THSD7A: variants seen among roughly 807,000 people sequenced by gnomAD.
THSD7A encodes thrombospondin type 1 domain containing 7A, also known as thrombospondin type-1 domain-containing protein 7A.
Under a neutral mutation model 231.3 loss-of-function variants are expected in THSD7A, and 96 were observed. The observed-to-expected ratio is 0.41, with a 90% CI of 0.35 to 0.49. The LOEUF is 0.49. THSD7A is among the 20% of genes least tolerant of loss of function. The pLI, the probability that THSD7A is intolerant of heterozygous loss-of-function variation, is 0.05. For synonymous variants in THSD7A, 940 were observed against 743.3 expected (o/e 1.26, Z -4.30); for missense variants, 2,290 against 2,070.2 (o/e 1.11, Z -2.06).
intron 13 of THSD7A, among the ~76,000 whole-genome samples, chr7:11,432,320 T>A (rs1485051113): frequency 6.6e-6 from 1 of 152,158 alleles, no homozygotes; most frequent in Non-Finnish European, 1.5e-5. Context: ...TCTTTTTATG[T>A]AGTATCTCCT....
rs868532108 is a variant in THSD7A at position 11,805,552 on chromosome 7, C to T, written c.190+26205G>A. Among the ~76,000 whole-genome samples, 3 of 152,078 alleles carry T rather than the reference C, an allele frequency of 2.0e-5. No individual in the cohort carries two copies. The South Asian group carries it at 6.2e-4, about 31-fold the overall frequency. On this transcript the variant is annotated intron_variant, in intron 1 of 27. Coordinates refer to ENST00000423059, the MANE Select transcript of THSD7A (RefSeq NM_015204.3). Reference sequence around the variant, plus strand: ...TCTTCTGTAACATTCTTTCACACTTCTCTAAAGCTTCTTAAAAGAATATAA... The same window carrying T: ...TCTTCTGTAACATTCTTTCACACTTTTCTAAAGCTTCTTAAAAGAATATAA...
chr7:11,769,141 A>ATTT (rs1562541275), intron 1 of THSD7A, among the ~76,000 whole-genome samples: 5 of 34,964 alleles, frequency 1.4e-4, no homozygotes, highest in African/African-American at 4.4e-4. Flanking sequence ...ATATATATAT[A>ATTT]TATATATATA....
chr7:11,394,965 C>T (rs1783124955), intron 23 of THSD7A, among the ~76,000 whole-genome samples: 1 of 152,132 alleles, frequency 6.6e-6, no homozygotes, highest in African/African-American at 2.4e-5. Context: ...TCACATATAA[C>T]AATATTAACC....
At chr7:11,540,100 TC>T in intron 6 of THSD7A, among the ~76,000 whole-genome samples, 1 of 152,328 alleles carries the variant, frequency 6.6e-6, no homozygotes, top group South Asian at 2.1e-4. Flanking sequence ...CTCCTTTTTT[TC>T]CTCTCTTTAT....
chr7:11,384,278 A>C (rs1027332362), intron 23 of THSD7A: 6 of 151,862 alleles, frequency 4.0e-5, no homozygotes, highest in Admixed American at 3.3e-4. Context: ...TATTCTAGAC[A>C]TGAATCCTTT....
intron 1 of THSD7A, among the ~76,000 whole-genome samples, chr7:11,743,949 G>A (rs183131338): frequency 6.6e-6 from 1 of 151,932 alleles, no homozygotes; most frequent in East Asian, 1.9e-4. Flanking sequence ...CACTTACCAC[G>A]TTCTTCCCAA....
At chr7:11,796,201 T>C (rs1049227034) in intron 1 of THSD7A, among the ~76,000 whole-genome samples, 1 of 150,912 alleles carries the variant, frequency 6.6e-6, no homozygotes, top group Non-Finnish European at 1.5e-5. Context: ...TGTATATTGC[T>C]TTAATATATA....
intron 1 of THSD7A, among the ~76,000 whole-genome samples, chr7:11,764,015 C>A (rs1481304978): frequency 6.6e-6 from 1 of 152,132 alleles, no homozygotes; most frequent in African/African-American, 2.4e-5. Context: ...GTTGCATCAT[C>A]CTTTCTCTGT....
intron 4 of THSD7A, among the ~76,000 whole-genome samples, chr7:11,549,772 G>A (rs1458236668): frequency 7.3e-6 from 1 of 136,844 alleles, no homozygotes; most frequent in East Asian, 2.3e-4. Context: ...CCTGTTGGGG[G>A]AGTGTGGTTG....
intron 4 of THSD7A, among the ~76,000 whole-genome samples, chr7:11,545,060 C>G (rs186134064): frequency 1.1e-3 from 168 of 152,172 alleles, no homozygotes; most frequent in Admixed American, 9.7e-3. Context: ...AAACTTGACA[C>G]CAATGATACA....
chr7:11,442,577 T>C (rs1401962904), intron 13 of THSD7A, among the ~76,000 whole-genome samples: 1 of 152,022 alleles, frequency 6.6e-6, no homozygotes, highest in African/African-American at 2.4e-5. Flanking sequence ...AAGAAAGAAG[T>C]TGTCATAGAG....
chr7:11,543,663 C>G (rs775026635), intron 4 of THSD7A, among the ~76,000 whole-genome samples: 30 of 152,160 alleles, frequency 2.0e-4, no homozygotes, highest in Non-Finnish European at 1.5e-4. Flanking sequence ...ACAGTGCTCA[C>G]TGAATTATTT....
intron 4 of THSD7A, among the ~76,000 whole-genome samples, chr7:11,588,914 A>G (rs1780035803): frequency 6.6e-6 from 1 of 152,224 alleles, no homozygotes; most frequent in African/African-American, 2.4e-5. Context: ...TCCCTAGGCT[A>G]GACTCCTAAA....
chr7:11,454,052 C>T (rs149929705), intron 11 of THSD7A, among the ~76,000 whole-genome samples: 13 of 152,060 alleles, frequency 8.5e-5, no homozygotes, highest in Admixed American at 4.6e-4. Context: ...AGTTTATACA[C>T]TAGTGACTTG....
At chr7:11,737,440 G>T (rs772195707) in intron 1 of THSD7A, among the ~76,000 whole-genome samples, 31 of 152,044 alleles carry the variant, frequency 2.0e-4, no homozygotes, top group Non-Finnish European at 3.5e-4. Context: ...AGAGGACTAT[G>T]CAAGACCATT....
At chr7:11,703,314 A>AAC (rs1212172355) in intron 1 of THSD7A, among the ~76,000 whole-genome samples, 13 of 151,132 alleles carry the variant, frequency 8.6e-5, no homozygotes, top group Non-Finnish European at 1.6e-4. Flanking sequence ...GCCTAAAATG[A>AAC]ACACACACAC....
intron 1 of THSD7A, among the ~76,000 whole-genome samples, chr7:11,644,940 A>G (rs1327834951): frequency 6.6e-6 from 1 of 151,906 alleles, no homozygotes; most frequent in Non-Finnish European, 1.5e-5. Flanking sequence ...ACAGTATTTT[A>G]AAGTCTTCAT....
intron 1 of THSD7A, among the ~76,000 whole-genome samples, chr7:11,778,170 A>AAAAG (rs1183090120): frequency 4.1e-5 from 6 of 147,628 alleles, no homozygotes; most frequent in Admixed American, 6.8e-5. Context: ...AAAAAAAAAA[A>AAAAG]AAAAAAAAGA....
chr7:11,375,021 G>A lies in THSD7A; in HGVS notation c.*773C>T, dbSNP rs1411139697. On this transcript the variant is annotated 3_prime_UTR_variant, in exon 28 of 28. Coordinates refer to ENST00000423059, the MANE Select transcript of THSD7A (RefSeq NM_015204.3). ...AATGTGCCTTCCATATAGCAAAAAA[G>A]ATGCAGGCAACCAGTTTGAAAATCA... 6.6e-6 allele frequency: 1 copy of A among 151,996 alleles called. No individual in the cohort carries two copies. Among genetic ancestry groups the A allele is most frequent in the African/African-American group, 2.4e-5 (1 of 41,402 alleles). 9.4% of individuals were successfully genotyped at this position (151,996 alleles called of 1,614,324 possible). A position where few individuals can be genotyped will look rare whatever the true frequency, so the allele number is the denominator to read the frequency against.
Sources: allele counts gnomAD v4.1 joint callset (sites outside exome capture counted in the v4.1 genomes callset), GRCh38; gene constraint gnomAD v4.1.1; transcripts MANE v1.5; gene names NCBI Gene and HGNC (gene_info 2026-07-23, HGNC 2026-07-21).